Variants in NELL2 observed in about 807,000 individuals in gnomAD.
The protein encoded by NELL2 is neural EGFL like 2, also known as protein kinase C-binding protein NELL2.
In NELL2, 41 loss-of-function variants were observed where a neutral mutation model predicts 109.6. The observed-to-expected ratio is 0.37, with a 90% CI of 0.29 to 0.49. The LOEUF is 0.49. Among genes scored for constraint, NELL2 ranks in the 20% least tolerant of loss-of-function variants. The pLI is 0.98. For missense variants in NELL2, 900 were observed against 1,008.3 expected (o/e 0.89, Z 1.45); for synonymous variants, 355 against 344.7 (o/e 1.03, Z -0.33).
intron 9 of NELL2, among the ~76,000 whole-genome samples, chr12:44,724,161 TG>T (rs1751378482): frequency 6.6e-6 from 1 of 151,604 alleles, no homozygotes. Flanking sequence ...AAAAACCACA[TG>T]TTCTTACTGA....
At chr12:44,823,142 G>A (rs1411973908) in intron 2 of NELL2, among the ~76,000 whole-genome samples, 1 of 152,072 alleles carries the variant, frequency 6.6e-6, no homozygotes, top group African/African-American at 2.4e-5. Context: ...AATTAAAATT[G>A]TATATATTTA....
intron 12 of NELL2, among the ~76,000 whole-genome samples, chr12:44,702,078 C>T (rs1287270804): frequency 6.6e-6 from 1 of 152,100 alleles, no homozygotes; most frequent in Non-Finnish European, 1.5e-5. Flanking sequence ...TATTACATGG[C>T]TGTTTCCTCT....
At chr12:44,820,452 CA>C (rs1455343554) in intron 2 of NELL2, among the ~76,000 whole-genome samples, 19 of 151,622 alleles carry the variant, frequency 1.3e-4, no homozygotes, top group Non-Finnish European at 2.7e-4. Flanking sequence ...ACTAAAAGTA[CA>C]AAAAAATTAG....
intron 6 of NELL2, 28 bp from the exon 7 acceptor site, chr12:44,777,152 A>G (rs756940966): frequency 6.2e-7 from 1 of 1,613,168 alleles, no homozygotes; most frequent in Non-Finnish European, 8.5e-7. Flanking sequence ...ACATTTGGTC[A>G]AGATGCATTT....
intron 17 of NELL2, 23 bp downstream of exon 17, chr12:44,523,268 T>G (rs1941619542): frequency 1.2e-6 from 2 of 1,612,952 alleles, no homozygotes; most frequent in Admixed American, 1.7e-5. Context: ...TAAAATTAAT[T>G]AAAGTTTTTC....
intron 18 of NELL2, among the ~76,000 whole-genome samples, 200 bp downstream of exon 18, chr12:44,521,800 T>C (rs1173348125): frequency 6.6e-6 from 1 of 151,988 alleles, no homozygotes; most frequent in Admixed American, 6.6e-5. Flanking sequence ...TTCAACACCT[T>C]GTACCACATC....
chr12:44,666,419 C>G (rs949696017), intron 12 of NELL2, among the ~76,000 whole-genome samples: 1 of 152,134 alleles, frequency 6.6e-6, no homozygotes, highest in African/African-American at 2.4e-5. Context: ...ATTGGTCAGA[C>G]AAGGAATTTC....
chr12:44,571,452 C>G (rs932897040), intron 15 of NELL2, among the ~76,000 whole-genome samples: 4 of 152,156 alleles, frequency 2.6e-5, no homozygotes, highest in Non-Finnish European at 4.4e-5. Context: ...ATTAAGAATC[C>G]AGTAAAGCAA....
intron 9 of NELL2, among the ~76,000 whole-genome samples, chr12:44,746,744 A>G (rs558776372): frequency 0.026 from 4,024 of 152,268 alleles, 175 homozygotes; most frequent in African/African-American, 0.091. Flanking sequence ...CAAAACCACA[A>G]TGAGATACCA....
chr12:44,688,720 G>T (rs1008788621), intron 12 of NELL2, among the ~76,000 whole-genome samples: 4 of 152,100 alleles, frequency 2.6e-5, no homozygotes, highest in Non-Finnish European at 5.9e-5. Context: ...TCATCTGCGT[G>T]TTAAATCTCC....
At chr12:44,845,805 G>A (rs1944352127) in intron 2 of NELL2, among the ~76,000 whole-genome samples, 1 of 152,116 alleles carries the variant, frequency 6.6e-6, no homozygotes, top group African/African-American at 2.4e-5. Context: ...TCTACTCTCA[G>A]GTTCCATGAG....
At chr12:44,731,458 A>G (rs1398392971) in intron 9 of NELL2, among the ~76,000 whole-genome samples, 1 of 152,072 alleles carries the variant, frequency 6.6e-6, no homozygotes, top group Middle Eastern at 3.2e-3. Context: ...ACCAACCAAT[A>G]TGATACACCA....
intron 9 of NELL2, among the ~76,000 whole-genome samples, chr12:44,740,024 C>G (rs1054513402): frequency 1.3e-5 from 2 of 152,188 alleles, no homozygotes; most frequent in African/African-American, 4.8e-5. Context: ...AACCATGTGG[C>G]ATGCAAGACC....
chr12:44,818,725 A>ATTTTTTTTTTTTTTTTTTT lies in NELL2; in HGVS notation c.185-2590_185-2589insAAAAAAAAAAAAAAAAAAA, dbSNP rs1409987918. On this transcript the variant is annotated intron_variant, in intron 2 of 19. Transcript: ENST00000429094. Reference sequence around the variant, plus strand: ...CTGAGAGGCTATATTTTGTTCACTTATTTTTTTTTTTTTATTTTTTTTTTT... The same window carrying ATTTTTTTTTTTTTTTTTTT: ...CTGAGAGGCTATATTTTGTTCACTTATTTTTTTTTTTTTTTTTTTTTTTTTTTTTTTTATTTTTTTTTTT... Among the ~76,000 whole-genome samples, 3 of 72,146 alleles carry ATTTTTTTTTTTTTTTTTTT rather than the reference A, an allele frequency of 4.2e-5. 1 individual carries two copies. The highest frequency in any genetic ancestry group is 5.3e-5 in the African/African-American group (1 of 18,892). The allele number at this position is 72,146 out of a possible 152,430, so 47.3% of individuals were successfully genotyped here.
intron 2 of NELL2, among the ~76,000 whole-genome samples, chr12:44,825,190 A>T (rs1290903762): frequency 6.6e-6 from 1 of 152,084 alleles, no homozygotes; most frequent in Non-Finnish European, 1.5e-5. Context: ...ATCTGTACAT[A>T]ACTATGGGTA....
intron 9 of NELL2, among the ~76,000 whole-genome samples, chr12:44,738,151 T>A (rs1333775988): frequency 1.3e-5 from 2 of 152,314 alleles, no homozygotes; most frequent in African/African-American, 2.4e-5. Context: ...TATATTGTAG[T>A]CTATTGCCCC....
chr12:44,834,681 C>T lies in NELL2; in HGVS notation c.185-18545G>A, dbSNP rs12227311. ...CCTACTCGAAGTGTGAGCGCTCGGG[C>T]CTCACCCCGCATCCAAACCCCAGCC... On this transcript the variant is annotated intron_variant, in intron 2 of 19. Coordinates refer to ENST00000429094, the MANE Select transcript of NELL2 (RefSeq NM_001145108.2). 0.013 allele frequency among the ~76,000 whole-genome samples: 2,046 copies of T among 152,166 alleles called. 107 individuals carry two copies. In the East Asian group the frequency reaches 0.19, roughly 14 times the overall value.
intron 14 of NELL2, among the ~76,000 whole-genome samples, chr12:44,609,657 C>T (rs557724368): frequency 1.3e-5 from 2 of 151,932 alleles, no homozygotes; most frequent in South Asian, 4.1e-4. Context: ...AATAATTAGG[C>T]CTTTTTCAAA....
At chr12:44,876,917 G>A (rs73281085), upstream of NELL2, 1 of 1,252,416 alleles carries the variant, frequency 8.0e-7, no homozygotes, top group African/African-American at 1.5e-5. Context: ...CCCTGCCGGG[G>A]GCGGGGCGCT....
Sources: allele counts gnomAD v4.1 joint callset (sites outside exome capture counted in the v4.1 genomes callset), GRCh38; gene constraint gnomAD v4.1.1; transcripts MANE v1.5; gene names NCBI Gene and HGNC (gene_info 2026-07-23, HGNC 2026-07-21).